Variants in ANKRD6 observed in about 807,000 individuals in gnomAD.
ANKRD6 encodes ankyrin repeat domain-containing protein 6.
Under a neutral mutation model 82.3 loss-of-function variants are expected in ANKRD6, and 56 were observed. The ratio of observed to expected loss-of-function variants is 0.68; its 90% CI spans 0.55 to 0.85. The LOEUF (loss-of-function observed/expected upper bound fraction) is 0.85. ANKRD6 is among the 40% of genes least tolerant of loss of function. The probability of loss-of-function intolerance (pLI) is 0.00; values close to 1 mark genes in which losing one functional copy is unlikely to be tolerated. For synonymous variants in ANKRD6, 347 were observed against 352.1 expected (o/e 0.99, Z 0.16); for missense variants, 852 against 907.6 (o/e 0.94, Z 0.79).
chr6:89,583,601 G>T (rs957632956), intron 2 of ANKRD6, among the ~76,000 whole-genome samples: 2 of 152,166 alleles, frequency 1.3e-5, no homozygotes, highest in African/African-American at 2.4e-5. Flanking sequence ...GGTCAGACAC[G>T]CTGTAATTGA....
intron 1 of ANKRD6, among the ~76,000 whole-genome samples, chr6:89,467,424 C>T (rs1201961836): frequency 4.6e-5 from 7 of 152,058 alleles, no homozygotes; most frequent in Non-Finnish European, 1.0e-4. Context: ...TTCATTCATC[C>T]TGATTGGGTG....
At chr6:89,618,682 T>C (rs1802239375) in intron 9 of ANKRD6, among the ~76,000 whole-genome samples, 1 of 152,302 alleles carries the variant, frequency 6.6e-6, no homozygotes, top group Non-Finnish European at 1.5e-5. Context: ...ATCCACAAAA[T>C]AGATGAAACA....
intron 1 of ANKRD6, among the ~76,000 whole-genome samples, chr6:89,456,680 A>G (rs1458383298): frequency 2.0e-5 from 3 of 152,110 alleles, no homozygotes; most frequent in African/African-American, 7.2e-5. Flanking sequence ...TCTTTTCTTT[A>G]TTACTTGTCT....
intron 1 of ANKRD6, among the ~76,000 whole-genome samples, chr6:89,529,617 C>A (rs1782903707): frequency 6.6e-6 from 1 of 152,216 alleles, no homozygotes; most frequent in African/African-American, 2.4e-5. Flanking sequence ...GTGTTAGTGG[C>A]CTAGCTTTTG....
intron 1 of ANKRD6, among the ~76,000 whole-genome samples, chr6:89,512,684 C>T (rs1217524055): frequency 6.6e-6 from 1 of 152,114 alleles, no homozygotes; most frequent in Non-Finnish European, 1.5e-5. Context: ...AATTGGATTC[C>T]CTGGAAGTGT....
In ANKRD6 at chr6:89,479,160, G is replaced by A. The variant is rs559064678; in HGVS notation, c.-144+45785G>A. Among the ~76,000 whole-genome samples, 228 of 152,160 alleles carry A rather than the reference G, an allele frequency of 1.5e-3. 1 individual carries two copies. The highest frequency in any genetic ancestry group is 2.3e-3 in the Non-Finnish European group (155 of 68,026). Reference sequence around the variant, plus strand: ...ACCCTGGGGTTGTGCAATTTTGGGCGATAAACAGGGCATCATGGGAGGCTA... The same window carrying A: ...ACCCTGGGGTTGTGCAATTTTGGGCAATAAACAGGGCATCATGGGAGGCTA... On this transcript the variant is annotated intron_variant, in intron 1 of 15. Coordinates refer to ENST00000339746, the MANE Select transcript of ANKRD6 (RefSeq NM_001242809.2).
intron 1 of ANKRD6, among the ~76,000 whole-genome samples, chr6:89,547,212 A>G (rs900406189): frequency 2.7e-5 from 4 of 150,720 alleles, no homozygotes; most frequent in African/African-American, 9.8e-5. Flanking sequence ...GGGGGGTTAC[A>G]TATGTGTTCT....
intron 2 of ANKRD6, among the ~76,000 whole-genome samples, chr6:89,592,867 T>G (rs1795170165): frequency 6.6e-6 from 1 of 151,966 alleles, no homozygotes; most frequent in African/African-American, 2.4e-5. Flanking sequence ...GGTGGGAGGA[T>G]CACTTGAGAC....
chr6:89,596,030 C>A lies in ANKRD6; in HGVS notation c.219+16C>A. On this transcript the variant is annotated intron_variant, in intron 3 of 15. Coordinates refer to ENST00000339746, the MANE Select transcript of ANKRD6 (RefSeq NM_001242809.2). The stretch of plus-strand genomic sequence containing the variant: ...CCAGGATGATGTGAGTAGAAGCCAT[C>A]ATTCTATCAGGCTGAGTTGGCAGGG... 6.3e-7 allele frequency: 1 copy of A among 1,595,306 alleles called. No individual in the cohort carries two copies. Among genetic ancestry groups the A allele is most frequent in the Admixed American group, 1.7e-5 (1 of 57,474 alleles).
intron 4 of ANKRD6, among the ~76,000 whole-genome samples, chr6:89,603,914 G>T (rs1023647829): frequency 6.6e-6 from 1 of 152,220 alleles, no homozygotes; most frequent in African/African-American, 2.4e-5. Flanking sequence ...GAGATGGGAG[G>T]ATTGCTAAGC....
At chr6:89,581,941 G>A (rs888439736) in intron 2 of ANKRD6, among the ~76,000 whole-genome samples, 2 of 152,142 alleles carry the variant, frequency 1.3e-5, no homozygotes, top group Admixed American at 1.3e-4. Context: ...AGGGTATACG[G>A]TTACATGGCA....
At chr6:89,590,010 A>G (rs925809480) in intron 2 of ANKRD6, among the ~76,000 whole-genome samples, 1 of 152,222 alleles carries the variant, frequency 6.6e-6, no homozygotes, top group Non-Finnish European at 1.5e-5. Context: ...GGTCAAAGGC[A>G]GTGGTGATAA....
At chr6:89,481,004 A>G (rs779044880) in intron 1 of ANKRD6, among the ~76,000 whole-genome samples, 1 of 151,856 alleles carries the variant, frequency 6.6e-6, no homozygotes, top group Admixed American at 6.6e-5. Flanking sequence ...ATATTATAGG[A>G]GCACACAATG....
intron 2 of ANKRD6, among the ~76,000 whole-genome samples, chr6:89,573,937 G>A (rs1172830940): frequency 2.6e-5 from 4 of 152,128 alleles, no homozygotes; most frequent in African/African-American, 9.7e-5. Context: ...GATGGAATTT[G>A]CTCTCCTCCC....
At chr6:89,604,545 T>C (rs945680247) in intron 4 of ANKRD6, among the ~76,000 whole-genome samples, 7 of 152,096 alleles carry the variant, frequency 4.6e-5, no homozygotes, top group African/African-American at 1.7e-4. Flanking sequence ...CATTAAAGTA[T>C]AATATACATA....
intron 1 of ANKRD6, among the ~76,000 whole-genome samples, chr6:89,488,896 T>G (rs1163832186): frequency 6.6e-6 from 1 of 151,894 alleles, no homozygotes; most frequent in East Asian, 1.9e-4. Flanking sequence ...TTCTATTCTA[T>G]TCTATTCTAT....
At chr6:89,566,471 C>T (rs1349110610) in intron 1 of ANKRD6, among the ~76,000 whole-genome samples, 1 of 152,230 alleles carries the variant, frequency 6.6e-6, no homozygotes, top group Admixed American at 6.5e-5. Flanking sequence ...CTTTGATGAT[C>T]ACACACGGTA....
At chr6:89,565,541 G>A (rs59912723) in intron 1 of ANKRD6, among the ~76,000 whole-genome samples, 2,573 of 152,310 alleles carry the variant, frequency 0.017, 26 homozygotes, top group African/African-American at 0.03. Flanking sequence ...TGTTTTATAC[G>A]TGGGCATTTA....
chr6:89,435,160 G>T (rs1025149364), intron 1 of ANKRD6, among the ~76,000 whole-genome samples: 1 of 152,214 alleles, frequency 6.6e-6, no homozygotes, highest in Non-Finnish European at 1.5e-5. Context: ...AACTCCCAAG[G>T]CCTCCTTCTT....
Sources: gnomAD v4.1 joint callset for allele counts (sites outside exome capture counted in the v4.1 genomes callset) on GRCh38, gnomAD v4.1.1 for gene constraint, MANE v1.5 for transcripts, NCBI Gene and HGNC (gene_info 2026-07-23, HGNC 2026-07-21) for gene names.